Variants in ZNF445 observed in about 807,000 individuals in gnomAD.
The protein encoded by ZNF445 is zinc finger protein 445.
In ZNF445, 19 loss-of-function variants were observed where a neutral mutation model predicts 93.9. That is an observed-to-expected ratio of 0.20 (90% CI 0.14 to 0.30). The LOEUF is 0.30. ZNF445 is among the 10% of genes least tolerant of loss of function. The probability of loss-of-function intolerance (pLI) is 1.00; values close to 1 mark genes in which losing one functional copy is unlikely to be tolerated. For missense variants in ZNF445, 1,058 were observed against 1,259.4 expected, an observed-to-expected ratio of 0.84 and a Z score of 2.42; for synonymous variants, 449 against 446.3, an observed-to-expected ratio of 1.01 and a Z score of -0.08.
In ZNF445 at chr3:44,455,355, C is replaced by T; in HGVS notation, c.195G>A (p.Glu65=). 6.2e-7 allele frequency: 1 copy of T among 1,614,034 alleles called. No individual in the cohort carries two copies. Among genetic ancestry groups the T allele is most frequent in the Non-Finnish European group, 8.5e-7 (1 of 1,179,936 alleles). Residue 65 remains glutamate, a synonymous_variant, in exon 3 of 8, where the codon GAG becomes GAA. Transcript: ENST00000396077. ...RQLFRQLRYH[E]SSGPLETLSR... ...TCAGAGTTTCTAGGGGCCCTGAAGA[C>T]TCATGGTAGCGAAGCTGTCTGAAGA...
intron 1 of ZNF445, among the ~76,000 whole-genome samples, chr3:44,461,482 G>C (rs1294354103): frequency 1.3e-5 from 2 of 152,186 alleles, no homozygotes; most frequent in East Asian, 3.8e-4. Flanking sequence ...AGTCCAGCAG[G>C]CCTAACTCAA....
chr3:44,463,905 T>C (rs985858634), intron 1 of ZNF445, among the ~76,000 whole-genome samples: 1 of 152,062 alleles, frequency 6.6e-6, no homozygotes, highest in Non-Finnish European at 1.5e-5. Context: ...AGGTGGGCGA[T>C]CACTTGAGGT....
At chr3:44,468,664 C>T (rs1322939368) in intron 1 of ZNF445, among the ~76,000 whole-genome samples, 1 of 137,726 alleles carries the variant, frequency 7.3e-6, no homozygotes. Context: ...GTGGCCCGCC[C>T]CCACCCCTCC....
Position 44,439,614 on chromosome 3 carries a change from C to T in ZNF445, c.*6961G>A, listed in dbSNP as rs981793881. ...CTCCACCATAGGTCTGAGTTCAGCT[C>T]CACAAGGTCCCTCTTCCAATCTCCC... On this transcript the variant is annotated 3_prime_UTR_variant, in exon 8 of 8. Transcript: ENST00000396077. 3 of 152,334 alleles carry T rather than the reference C, an allele frequency of 2.0e-5. No individual in the cohort carries two copies. The highest frequency in any genetic ancestry group is 7.2e-5 in the African/African-American group (3 of 41,458). 9.4% of individuals were successfully genotyped at this position (152,334 alleles called of 1,614,324 possible).
Position 44,433,665 on chromosome 3 carries a change from A to C in ZNF445, c.*12910T>G, listed in dbSNP as rs1262099181. 5.3e-5 allele frequency: 8 copies of C among 152,268 alleles called. No homozygotes were observed. Among genetic ancestry groups the C allele is most frequent in the Admixed American group, 5.2e-4 (8 of 15,282 alleles). 9.4% of individuals were successfully genotyped at this position (152,268 alleles called of 1,614,324 possible). On this transcript the variant is annotated 3_prime_UTR_variant, in exon 8 of 8. Coordinates refer to ENST00000396077, the MANE Select transcript of ZNF445 (RefSeq NM_181489.6). ...GCCCTTAGAGGAGCCGGACCTGCAG[A>C]GAGAGAGTGGGAAAGTGGAGAACCA...
In ZNF445 at chr3:44,435,735, TACGCATTCTAGA is replaced by T. The variant is rs1261045420; in HGVS notation, c.*10828_*10839del. 6.6e-6 allele frequency: 1 copy of T among 152,200 alleles called. No individual in the cohort carries two copies. Among genetic ancestry groups the T allele is most frequent in the Admixed American group, 6.5e-5 (1 of 15,280 alleles). The allele number at this position is 152,200 out of a possible 1,614,324, so 9.4% of individuals were successfully genotyped here. A position where few individuals can be genotyped will look rare whatever the true frequency, so the allele number is the denominator to read the frequency against. ...CATTGTTGACTATGTCTATTCTAATTACGCATTCTAGAACCAGGGAAATAACCATAGGATGGG... is the reference window on the plus strand; with the variant it reads ...CATTGTTGACTATGTCTATTCTAATTACCAGGGAAATAACCATAGGATGGG... On this transcript the variant is annotated 3_prime_UTR_variant, in exon 8 of 8. Transcript: ENST00000396077.
chr3:44,477,204 T>C (rs1292397280), intron 1 of ZNF445, among the ~76,000 whole-genome samples: 1 of 152,258 alleles, frequency 6.6e-6, no homozygotes, highest in Non-Finnish European at 1.5e-5. Context: ...GATGTCAGTG[T>C]GCAGAATTAT....
chr3:44,457,610 G>A (rs1454549688), intron 2 of ZNF445, among the ~76,000 whole-genome samples: 1 of 152,158 alleles, frequency 6.6e-6, no homozygotes, highest in African/African-American at 2.4e-5. Context: ...AAGAGGAAGG[G>A]TAGTCTTCTC....
intron 1 of ZNF445, among the ~76,000 whole-genome samples, chr3:44,474,322 C>A (rs1332076964): frequency 6.6e-6 from 1 of 151,994 alleles, no homozygotes; most frequent in Non-Finnish European, 1.5e-5. Context: ...TGAGACTAGC[C>A]TGACCAACAT....
At chr3:44,462,240 C>T (rs7649834) in intron 1 of ZNF445, among the ~76,000 whole-genome samples, 58,198 of 151,960 alleles carry the variant, frequency 0.38, 12,724 homozygotes, top group East Asian at 0.86. Flanking sequence ...TACGGGTCTC[C>T]GAAACCAATA....
At chr3:44,459,084 A>G (rs1698071172) in intron 1 of ZNF445, among the ~76,000 whole-genome samples, 1 of 152,212 alleles carries the variant, frequency 6.6e-6, no homozygotes, top group Non-Finnish European at 1.5e-5. Flanking sequence ...GCTTGCAGGA[A>G]AGTGAACAAG....
chr3:44,458,790 C>T (rs1698067074), intron 1 of ZNF445, among the ~76,000 whole-genome samples: 1 of 152,066 alleles, frequency 6.6e-6, no homozygotes. Flanking sequence ...TTCTGCTGGC[C>T]GTAAATTCTC....
At chr3:44,450,215 A>C in intron 6 of ZNF445, 1 of 528,986 alleles carries the variant, frequency 1.9e-6, no homozygotes, top group South Asian at 2.0e-5. Flanking sequence ...GTGGGATTAC[A>C]GGTGTGAGCT....
chr3:44,460,949 T>TA (rs1698105919), intron 1 of ZNF445, among the ~76,000 whole-genome samples: 1 of 152,238 alleles, frequency 6.6e-6, no homozygotes, highest in African/African-American at 2.4e-5. Flanking sequence ...AGCAGCCACC[T>TA]AGTTCTTTTG....
rs1697880455 is a variant in ZNF445 at position 44,446,561 on chromosome 3, T to G, written c.*14A>C. 1 of 1,613,988 alleles carries G rather than the reference T, an allele frequency of 6.2e-7. No homozygotes were observed. Among genetic ancestry groups the G allele is most frequent in the Non-Finnish European group, 8.5e-7 (1 of 1,179,996 alleles). ...ACTGAGAACCCACCCCCACTGTCAC[T>G]GTCAGGTCCCAGGCTAATCTCTAAT... On this transcript the variant is annotated 3_prime_UTR_variant, in exon 8 of 8. Coordinates refer to ENST00000396077, the MANE Select transcript of ZNF445 (RefSeq NM_181489.6). This position sits in a 1 kb window ranked among gnomAD's most constrained non-coding sequence, Gnocchi z 4.2.
chr3:44,461,376 G>A (rs996735249), intron 1 of ZNF445, among the ~76,000 whole-genome samples: 29 of 61,134 alleles, frequency 4.7e-4, no homozygotes, highest in African/African-American at 1.1e-3. Context: ...ACCGAGAATA[G>A]GAGGATAGCT....
chr3:44,474,030 A>G (rs1698309059), intron 1 of ZNF445, among the ~76,000 whole-genome samples: 1 of 152,260 alleles, frequency 6.6e-6, no homozygotes, highest in Admixed American at 6.5e-5. Context: ...CACAGTAGTC[A>G]TTGCTGCAGG....
chr3:44,476,369 C>CTT (rs35308661), intron 1 of ZNF445, among the ~76,000 whole-genome samples: 1 of 148,438 alleles, frequency 6.7e-6, no homozygotes, highest in Non-Finnish European at 1.5e-5. Flanking sequence ...TACAGTAAGA[C>CTT]TTTTTTTTTT....
chr3:44,441,922 A>C lies in ZNF445; in HGVS notation c.*4653T>G, dbSNP rs1697816794. On this transcript the variant is annotated 3_prime_UTR_variant, in exon 8 of 8. Transcript: ENST00000396077. ...CAGAAAATAGATTACTGTGCAAAAC[A>C]ATAACACTTTCTATATGTCCACAAG... 1 of 152,192 alleles carries C rather than the reference A, an allele frequency of 6.6e-6. No individual in the cohort carries two copies. Among genetic ancestry groups the C allele is most frequent in the African/African-American group, 2.4e-5 (1 of 41,454 alleles). 9.4% of individuals were successfully genotyped at this position (152,192 alleles called of 1,614,324 possible).
Sources: allele counts gnomAD v4.1 joint callset (sites outside exome capture counted in the v4.1 genomes callset), GRCh38; gene constraint gnomAD v4.1.1; non-coding constraint Gnocchi (gnomAD v3.1); transcripts MANE v1.5; gene names NCBI Gene and HGNC (gene_info 2026-07-23, HGNC 2026-07-21).